Variants in ZBTB8B observed in about 807,000 individuals in gnomAD.
ZBTB8B encodes the protein zinc finger and BTB domain containing 8B, also known as zinc finger and BTB domain-containing protein 8B.
Under a neutral mutation model 30.3 loss-of-function variants are expected in ZBTB8B, and 17 were observed. That is an observed-to-expected ratio of 0.56 (90% confidence interval 0.38 to 0.84). ZBTB8B has a LOEUF of 0.84. ZBTB8B is among the 40% of genes least tolerant of loss of function. The pLI, the probability that ZBTB8B is intolerant of heterozygous loss-of-function variation, is 0.00. For synonymous variants in ZBTB8B, 248 were observed against 255.6 expected, an observed-to-expected ratio of 0.97 and a Z score of 0.28; for missense variants, 515 against 644.9, an observed-to-expected ratio of 0.80 and a Z score of 2.18.
chr1:32,487,880 T>G lies in ZBTB8B; in HGVS notation c.*2462T>G, dbSNP rs1261576607. ...ATAAATAAATAAAAGAAAAATATTC[T>G]AGATCAAGAGTTACTCATTGAAAAT... On this transcript the variant is annotated 3_prime_UTR_variant, in exon 4 of 4. Coordinates refer to ENST00000609129, the MANE Select transcript of ZBTB8B (RefSeq NM_001145720.2). 1 of 151,572 alleles carries G rather than the reference T, an allele frequency of 6.6e-6. No homozygotes were observed. The highest frequency in any genetic ancestry group is 2.4e-5 in the African/African-American group (1 of 41,264). 9.4% of individuals were successfully genotyped at this position (151,572 alleles called of 1,614,324 possible).
Position 32,470,680 on chromosome 1 carries a change from A to G in ZBTB8B, c.56A>G (p.Lys19Arg). ...TTGGGGGAGCTGAATGAACAGAGAAAGAGGGACTTTTTCTGTGACTGCAGC... is the reference window on the plus strand; with the variant it reads ...TTGGGGGAGCTGAATGAACAGAGAAGGAGGGACTTTTTCTGTGACTGCAGC... ...KLLGELNEQR[K>R]RDFFCDCSII... Residue 19 changes from lysine to arginine, a missense_variant, in exon 2 of 4, where the codon AAG becomes AGG. By Grantham distance (26) the Lys-to-Arg change is conservative (BLOSUM62 2). Around this residue, in one of 3 missense-constraint regions of ZBTB8B, gnomAD observed 25 missense variants for 22.9 expected, o/e 1.09. Coordinates refer to ENST00000609129, the MANE Select transcript of ZBTB8B (RefSeq NM_001145720.2). 1 of 1,551,660 alleles carries G rather than the reference A, an allele frequency of 6.4e-7. No homozygotes were observed. Among genetic ancestry groups the G allele is most frequent in the Non-Finnish European group, 8.7e-7 (1 of 1,147,002 alleles).
rs902715940 is a variant in ZBTB8B at position 32,486,505 on chromosome 1, T to C, written c.*1087T>C. On this transcript the variant is annotated 3_prime_UTR_variant, in exon 4 of 4. Transcript: ENST00000609129. ...AGAGGCAGGTCGGCACTTATATTTA[T>C]ACCCACTTTTAGTTACATGCAAATT... The C allele has an allele frequency of 6.6e-6, 1 of 152,198 alleles. No homozygotes were observed. Among genetic ancestry groups the C allele is most frequent in the Non-Finnish European group, 1.5e-5 (1 of 68,032 alleles). 9.4% of individuals were successfully genotyped at this position (152,198 alleles called of 1,614,324 possible).
At chr1:32,483,008 C>T (rs1643717293) in intron 3 of ZBTB8B, among the ~76,000 whole-genome samples, 2 of 151,850 alleles carry the variant, frequency 1.3e-5, no homozygotes, top group Non-Finnish European at 2.9e-5. Flanking sequence ...CTGCCTCTTG[C>T]TTGCACCCAG....
chr1:32,480,617 A>C (rs1392551670), intron 2 of ZBTB8B, among the ~76,000 whole-genome samples: 1 of 152,188 alleles, frequency 6.6e-6, no homozygotes, highest in African/African-American at 2.4e-5. Flanking sequence ...GTGCAAGCTG[A>C]GTTTCTGTCA....
intron 1 of ZBTB8B, among the ~76,000 whole-genome samples, chr1:32,467,903 A>G (rs1416688406): frequency 6.6e-6 from 1 of 151,922 alleles, no homozygotes; most frequent in Non-Finnish European, 1.5e-5. Flanking sequence ...ACTTGAGGCC[A>G]GGAGTTCGAG....
Position 32,487,729 on chromosome 1 carries a change from CT to C in ZBTB8B, c.*2312del, listed in dbSNP as rs1643755620. On this transcript the variant is annotated 3_prime_UTR_variant, in exon 4 of 4. Transcript: ENST00000609129. ...TGGTGGCATGTGCCTGTAATCCCAG[CT>C]ACTCAGGAGGCTGTGGCGAGAGGAA... 6.6e-6 allele frequency: 1 copy of C among 151,904 alleles called. No individual in the cohort carries two copies. Among genetic ancestry groups the C allele is most frequent in the Non-Finnish European group, 1.5e-5 (1 of 68,020 alleles). The allele number at this position is 151,904 out of a possible 1,614,324, so 9.4% of individuals were successfully genotyped here. A position where few individuals can be genotyped will look rare whatever the true frequency, so the allele number is the denominator to read the frequency against.
At chr1:32,469,135 G>A (rs1269922561) in intron 1 of ZBTB8B, among the ~76,000 whole-genome samples, 2 of 151,872 alleles carry the variant, frequency 1.3e-5, no homozygotes, top group Non-Finnish European at 2.9e-5. Context: ...GTTTGAAGGT[G>A]TAGTGAGCTA....
rs1198529276 is a variant in ZBTB8B at position 32,489,820 on chromosome 1, A to C, written c.*4402A>C. Reference sequence around the variant, plus strand: ...ATGTAAATAGGGCCTTACCTATAATAATTAAGAAATGACATAGTGCATCAT... The same window carrying C: ...ATGTAAATAGGGCCTTACCTATAATCATTAAGAAATGACATAGTGCATCAT... On this transcript the variant is annotated 3_prime_UTR_variant, in exon 4 of 4. Transcript: ENST00000609129. 6.6e-6 allele frequency: 1 copy of C among 152,136 alleles called. No individual in the cohort carries two copies. Among genetic ancestry groups the C allele is most frequent in the Non-Finnish European group, 1.5e-5 (1 of 68,010 alleles). 9.4% of individuals were successfully genotyped at this position (152,136 alleles called of 1,614,324 possible). A position where few individuals can be genotyped will look rare whatever the true frequency, so the allele number is the denominator to read the frequency against.
intron 1 of ZBTB8B, among the ~76,000 whole-genome samples, chr1:32,467,296 G>T (rs184094454): frequency 1.4e-5 from 2 of 147,212 alleles, no homozygotes; most frequent in East Asian, 4.1e-4. Flanking sequence ...AGGCTGGAGT[G>T]CAGTGGCACA....
chr1:32,473,447 G>C (rs1363670426), intron 2 of ZBTB8B, among the ~76,000 whole-genome samples: 1 of 151,550 alleles, frequency 6.6e-6, no homozygotes, highest in Non-Finnish European at 1.5e-5. Flanking sequence ...ATTCTCTGAA[G>C]TGAAAGTCTT....
At position 32,465,722 on chromosome 1, in the gene ZBTB8B, C is replaced by T. The variant is rs1643565789; in HGVS notation, c.-42+617C>T. ...CGTGTCCTGGAGGGTTTGAGGAGGC[C>T]GGTTAGCATAGTGGTTAAGGATGTC... On this transcript the variant is annotated intron_variant, in intron 1 of 3. Transcript: ENST00000609129. The surrounding 1 kb of genome is among the most constrained non-coding windows in gnomAD (Gnocchi z 4.1). 1.3e-5 allele frequency among the ~76,000 whole-genome samples: 2 copies of T among 152,136 alleles called. No individual in the cohort carries two copies. The highest frequency in any genetic ancestry group is 2.9e-5 in the Non-Finnish European group (2 of 68,032).
At chr1:32,467,971 C>G (rs1366703610) in intron 1 of ZBTB8B, among the ~76,000 whole-genome samples, 2 of 151,830 alleles carry the variant, frequency 1.3e-5, no homozygotes, top group Non-Finnish European at 2.9e-5. Flanking sequence ...AAAAAATTAG[C>G]CTGGCGTGGG....
At position 32,492,750 on chromosome 1, in the gene ZBTB8B, C is replaced by T. The variant is rs866180854; in HGVS notation, c.*7332C>T. 5 of 152,138 alleles carry T rather than the reference C, an allele frequency of 3.3e-5. No homozygotes were observed. The highest frequency in any genetic ancestry group is 7.3e-5 in the Non-Finnish European group (5 of 68,036). 9.4% of individuals were successfully genotyped at this position (152,138 alleles called of 1,614,324 possible). On this transcript the variant is annotated 3_prime_UTR_variant, in exon 4 of 4. Coordinates refer to ENST00000609129, the MANE Select transcript of ZBTB8B (RefSeq NM_001145720.2). The stretch of plus-strand genomic sequence containing the variant: ...TGGAGTCTTTACTGTATGTCAAGCA[C>T]GAAGGGTACTTCAGTGAACCAGCAC...
chr1:32,485,395 T>A lies in ZBTB8B; in HGVS notation c.1465T>A (p.Ser489Thr). 1 of 1,551,806 alleles carries A rather than the reference T, an allele frequency of 6.4e-7. No homozygotes were observed. Among genetic ancestry groups the A allele is most frequent in the Non-Finnish European group, 8.7e-7 (1 of 1,146,848 alleles). Residue 489 changes from serine (S) to threonine (T), a missense_variant, in exon 4 of 4, where the codon TCA becomes ACA. Ser to Thr is a moderately conservative substitution (Grantham distance 58, BLOSUM62 1). Coordinates refer to ENST00000609129, the MANE Select transcript of ZBTB8B (RefSeq NM_001145720.2). ...CAAACCACAAATTCAGCCTAACTTA[T>A]CAGACCGAGAGACACTTACGTAGCA... ...DDKPQIQPNL[S>T]DRETLT
At chr1:32,470,448 C>T (rs1557680577) in intron 1 of ZBTB8B, 136 bp from the exon 2 acceptor site, 4 of 806,412 alleles carry the variant, frequency 5.0e-6, no homozygotes, top group African/African-American at 2.0e-5. Context: ...TGCAGTGAGC[C>T]GAGATTGCGC....
rs547060908 is a variant in ZBTB8B, at chr1:32,485,269, G to C, written c.1339G>C (p.Ala447Pro). ...GCCCATCAACCTTAGCTTGGTGGAG[G>C]CTTCATCTGAAAGCCAAGAAAAGAG... ...LMPINLSLVE[A>P]SSESQEKSDT... The change falls in exon 4 of 4, where the codon GCT becomes CCT. Residue 447 changes from alanine to proline, a missense_variant. Coordinates refer to ENST00000609129, the MANE Select transcript of ZBTB8B (RefSeq NM_001145720.2). 4.0e-5 allele frequency: 62 copies of C among 1,552,132 alleles called. No individual in the cohort carries two copies. Among genetic ancestry groups the C allele is most frequent in the African/African-American group, 3.4e-4 (25 of 73,160 alleles).
In ZBTB8B at chr1:32,478,614, GC is replaced by G. The variant is rs1279726876; in HGVS notation, c.992-2276del. On this transcript the variant is annotated intron_variant, in intron 2 of 3. Coordinates refer to ENST00000609129, the MANE Select transcript of ZBTB8B (RefSeq NM_001145720.2). The stretch of plus-strand genomic sequence containing the variant: ...ATCTCACATATGTGAGCAGTGATGA[GC>G]TTTTGAGCTGCTGCTTTTATCCTGG... 2.6e-4 allele frequency among the ~76,000 whole-genome samples: 40 copies of G among 152,338 alleles called. 1 individual carries two copies. Among genetic ancestry groups the G allele is most frequent in the Admixed American group, 1.4e-3 (22 of 15,302 alleles).
At chr1:32,474,643 A>T (rs1348845657) in intron 2 of ZBTB8B, among the ~76,000 whole-genome samples, 2 of 152,200 alleles carry the variant, frequency 1.3e-5, no homozygotes, top group Non-Finnish European at 2.9e-5. Context: ...CCATGAACAC[A>T]CCGTGGGAAC....
chr1:32,477,910 AG>A (rs1365297643), intron 2 of ZBTB8B, among the ~76,000 whole-genome samples: 1 of 151,956 alleles, frequency 6.6e-6, no homozygotes, highest in African/African-American at 2.4e-5. Context: ...ATATAAAATT[AG>A]CCAGGCATGG....
Sources: gnomAD v4.1 joint callset for allele counts (sites outside exome capture counted in the v4.1 genomes callset) on GRCh38, gnomAD v4.1.1 for gene constraint, gnomAD v4.1.1 regional missense constraint, Gnocchi (gnomAD v3.1) non-coding constraint, MANE v1.5 for transcripts, NCBI Gene and HGNC (gene_info 2026-07-23, HGNC 2026-07-21) for gene names.